Variants in ABI3 observed in about 807,000 individuals in gnomAD.
The protein encoded by ABI3 is ABI gene family member 3.
ABI3 carries 24 observed loss-of-function variants against 37.0 expected under a neutral mutation model. The observed-to-expected ratio is 0.65, with a 90% CI of 0.47 to 0.91. ABI3 has a LOEUF of 0.91. ABI3 is among the 40% of genes least tolerant of loss of function. The probability of loss-of-function intolerance (pLI) is 0.00; values close to 1 mark genes in which losing one functional copy is unlikely to be tolerated. For missense variants in ABI3, 481 were observed against 485.1 expected (o/e 0.99, Z 0.08); for synonymous variants, 220 against 211.8 (o/e 1.04, Z -0.34).
chr17:49,217,661 T>G, intron 2 of ABI3, 78 bp from the exon 3 acceptor site: 1 of 1,388,516 alleles, frequency 7.2e-7, no homozygotes, highest in Non-Finnish European at 9.7e-7. Context: ...CAGCCCAGTC[T>G]TTATCTTCTT....
At chr17:49,213,956 T>G (rs1488358887) in intron 1 of ABI3, among the ~76,000 whole-genome samples, 1 of 152,254 alleles carries the variant, frequency 6.6e-6, no homozygotes, top group Non-Finnish European at 1.5e-5. Context: ...CTATTCAATC[T>G]TCTTGGTGAC....
At chr17:49,220,003 TGA>T in intron 5 of ABI3, 50 bp downstream of exon 5, 1 of 1,526,436 alleles carries the variant, frequency 6.6e-7, no homozygotes, top group Non-Finnish European at 8.8e-7. Flanking sequence ...AAGTGGCTTT[TGA>T]GAGGGGCCAC....
intron 2 of ABI3, among the ~76,000 whole-genome samples, chr17:49,217,500 A>G (rs1208784658): frequency 6.6e-6 from 1 of 151,320 alleles, no homozygotes; most frequent in Non-Finnish European, 1.5e-5. Flanking sequence ...CTGCACAGCT[A>G]ATAATAACCC....
intron 1 of ABI3, among the ~76,000 whole-genome samples, chr17:49,215,335 AC>A (rs1202729438): frequency 6.6e-6 from 1 of 152,198 alleles, no homozygotes; most frequent in East Asian, 1.9e-4. Flanking sequence ...GAGGGGCTGT[AC>A]GTAGGCCACG....
Position 49,219,636 on chromosome 17 carries a change from G to A in ABI3, c.548+11G>A. The A allele has an allele frequency of 2.5e-6, 4 of 1,590,922 alleles. No homozygotes were observed. The highest frequency in any genetic ancestry group is 1.3e-5 in the African/African-American group (1 of 74,586). On this transcript the variant is annotated intron_variant, in intron 4 of 7. Transcript: ENST00000225941. This position sits in a 1 kb window ranked among gnomAD's most constrained non-coding sequence, Gnocchi z 4.3. Reference sequence around the variant, plus strand: ...CTCCGCCACCTTGGGGTGAGGCCTCGCCGCGACGCCAACTAGCCTAGCCCT... The same window carrying A: ...CTCCGCCACCTTGGGGTGAGGCCTCACCGCGACGCCAACTAGCCTAGCCCT...
intron 7 of ABI3, 31 bp downstream of exon 7, chr17:49,222,256 GA>G (rs757294393): frequency 6.2e-7 from 1 of 1,604,966 alleles, no homozygotes; most frequent in Non-Finnish European, 8.5e-7. Flanking sequence ...AGGGGCACCG[GA>G]TCCCACTTCC....
chr17:49,219,434 T>A lies in ABI3; in HGVS notation c.463-106T>A. The A allele has an allele frequency of 1.0e-6, 1 of 980,312 alleles. No homozygotes were observed. Among genetic ancestry groups the A allele is most frequent in the Non-Finnish European group, 1.5e-6 (1 of 654,568 alleles). The allele number at this position is 980,312 out of a possible 1,614,324, so 60.7% of individuals were successfully genotyped here. ...GAAGTGGGAACTGGCTATGCCGGGC[T>A]CTCCCTCCCGGTTCCCGTCCGCCCC... On this transcript the variant is annotated intron_variant, in intron 3 of 7. Coordinates refer to ENST00000225941, the MANE Select transcript of ABI3 (RefSeq NM_016428.3). The surrounding 1 kb of genome is among the most constrained non-coding windows in gnomAD (Gnocchi z 4.3).
chr17:49,222,451 A>G, intron 7 of ABI3, 101 bp from the exon 8 acceptor site: 1 of 1,473,586 alleles, frequency 6.8e-7, no homozygotes. Context: ...GATGGCCCCT[A>G]GAGTCTAGTA....
At position 49,219,908 on chromosome 17, in the gene ABI3, G is replaced by T; in HGVS notation, c.599G>T (p.Gly200Val). 6.4e-7 allele frequency: 1 copy of T among 1,556,966 alleles called. No homozygotes were observed. Among genetic ancestry groups the T allele is most frequent in the Non-Finnish European group, 8.6e-7 (1 of 1,156,812 alleles). ...GTGCACCTGCCGGTGGTGCCCGACG[G>T]CAGACTCTCCGCCGCCTCCTCTGCG... ...EPVHLPVVPD[G>V]RLSAASSAFS... Residue 200 changes from glycine to valine, a missense_variant, in exon 5 of 8, where the codon GGC becomes GTC. Transcript: ENST00000225941. This position sits in a 1 kb window ranked among gnomAD's most constrained non-coding sequence, Gnocchi z 4.3.
intron 1 of ABI3, among the ~76,000 whole-genome samples, chr17:49,215,635 T>C (rs944622618): frequency 1.4e-4 from 22 of 151,922 alleles, no homozygotes; most frequent in Non-Finnish European, 2.6e-4. Context: ...GTAGCTGGGA[T>C]TACAGGCAGG....
intron 3 of ABI3, among the ~76,000 whole-genome samples, chr17:49,218,910 C>T (rs2043249829): frequency 2.0e-5 from 3 of 152,092 alleles, no homozygotes; most frequent in South Asian, 4.2e-4. Flanking sequence ...AGCCACCACT[C>T]GCGGCCCAAC....
chr17:49,217,481 C>T (rs2043231253), intron 2 of ABI3, among the ~76,000 whole-genome samples: 1 of 152,008 alleles, frequency 6.6e-6, no homozygotes, highest in African/African-American at 2.4e-5. Flanking sequence ...TTCTCTTTTC[C>T]TCCTGTTCCT....
rs1249717750 is a variant in ABI3 at position 49,217,745 on chromosome 17, A to T, written c.292A>T (p.Asn98Tyr). ...CTTGAACCCTGTCATGCAGATGGTG[A>T]ACATGCATATGGAGAAGGTGGCCCG... ...ARVSTLGQMV[N>Y]MHMEKVARRE... Residue 98 changes from asparagine to tyrosine, a missense_variant, in exon 3 of 8, where the codon AAC (asparagine) becomes TAC (tyrosine). Coordinates refer to ENST00000225941, the MANE Select transcript of ABI3 (RefSeq NM_016428.3). The T allele has an allele frequency of 1.9e-6, 3 of 1,606,480 alleles. No individual in the cohort carries two copies. The African/African-American group carries it at 4.0e-5, about 22-fold the overall frequency.
chr17:49,218,962 C>T (rs943108487), intron 3 of ABI3, among the ~76,000 whole-genome samples: 5 of 151,920 alleles, frequency 3.3e-5, no homozygotes, highest in African/African-American at 1.2e-4. Flanking sequence ...TTTGTCTTGC[C>T]CCTGGTGAAG....
intron 3 of ABI3, among the ~76,000 whole-genome samples, chr17:49,218,188 C>T (rs1308552096): frequency 2.0e-5 from 3 of 152,290 alleles, no homozygotes; most frequent in Non-Finnish European, 2.9e-5. Context: ...GGGCACCGGG[C>T]GTGTGGGAAG....
At position 49,222,230 on chromosome 17, in the gene ABI3, C is replaced by T. The variant is rs771278753; in HGVS notation, c.937+5C>T. The T allele has an allele frequency of 1.2e-6, 2 of 1,612,150 alleles. No homozygotes were observed. The highest frequency in any genetic ancestry group is 3.3e-5 in the Admixed American group (2 of 59,748). On this transcript the variant is annotated splice_donor_5th_base_variant and intron_variant, in intron 7 of 7. Transcript: ENST00000225941. ...CTGCCTCATACTTGGAGAAAGGTAC[C>T]TGACTTCTGGGACTGAGGGGCACCG...
At chr17:49,213,764 A>G (rs749170231) in intron 1 of ABI3, among the ~76,000 whole-genome samples, 1 of 152,160 alleles carries the variant, frequency 6.6e-6, no homozygotes, top group Admixed American at 6.5e-5. Flanking sequence ...ACAATTCCAC[A>G]TGTTCGTTTG....
At position 49,222,102 on chromosome 17, in the gene ABI3, C is replaced by A; in HGVS notation, c.814C>A (p.Pro272Thr). The A allele has an allele frequency of 6.2e-7, 1 of 1,606,128 alleles. No individual in the cohort carries two copies. The highest frequency in any genetic ancestry group is 8.5e-7 in the Non-Finnish European group (1 of 1,176,138). The change falls in exon 7 of 8, where the codon CCC (proline) becomes ACC (threonine). Residue 272 changes from proline to threonine, a missense_variant. Transcript: ENST00000225941. ...GCTTTTCCCCCAAGACGAAGAGCTG[C>A]CCCTGCCACTGGACCTGCCTCCTCC... Reference protein sequence around the residue: ...LSPPPPDEELPLPLDLPPPPP... With the variant: ...LSPPPPDEELTLPLDLPPPPP...
At chr17:49,221,328 G>A (rs941634526) in intron 6 of ABI3, among the ~76,000 whole-genome samples, 18 of 149,860 alleles carry the variant, frequency 1.2e-4, no homozygotes, top group African/African-American at 4.4e-4. Flanking sequence ...AAAATTAGCC[G>A]GGCGTGGTGG....
Sources: gnomAD v4.1 joint callset for allele counts (sites outside exome capture counted in the v4.1 genomes callset) on GRCh38, gnomAD v4.1.1 for gene constraint, Gnocchi (gnomAD v3.1) non-coding constraint, MANE v1.5 for transcripts, NCBI Gene and HGNC (gene_info 2026-07-23, HGNC 2026-07-21) for gene names.